Variants in ALG14 observed in about 807,000 individuals in gnomAD.
The protein encoded by ALG14 is UDP-N-acetylglucosamine transferase subunit ALG14.
In ALG14, 17 loss-of-function variants were observed where a neutral mutation model predicts 22.8. The observed-to-expected ratio is 0.75, with a 90% CI of 0.51 to 1.12. The LOEUF (loss-of-function observed/expected upper bound fraction) is 1.12, where lower values mean the gene tolerates loss of function less well. Among genes scored for constraint, ALG14 ranks in the 50% most tolerant of loss-of-function variants. The pLI is 0.00. For missense variants in ALG14, 288 were observed against 271.8 expected (o/e 1.06, Z -0.42); for synonymous variants, 89 against 103.7 (o/e 0.86, Z 0.86).
chr1:95,062,736 T>C (rs111786313), intron 2 of ALG14, among the ~76,000 whole-genome samples: 52,865 of 152,094 alleles, frequency 0.35, 10,507 homozygotes, highest in Middle Eastern at 0.45. Flanking sequence ...TCTTTGCTAT[T>C]GTGAATAGTG....
At position 95,001,341 on chromosome 1, in the gene ALG14, C is replaced by T. The variant is rs571481652; in HGVS notation, c.421-18035G>A. The stretch of plus-strand genomic sequence containing the variant: ...CAACATGTGACCATGCTCTACACCC[C>T]GACTGGTGTGCTGGATAGGGAAAAA... On this transcript the variant is annotated intron_variant, in intron 3 of 3. Transcript: ENST00000370205. 1.3e-4 allele frequency among the ~76,000 whole-genome samples: 20 copies of T among 152,252 alleles called. No homozygotes were observed. The South Asian group carries it at 3.7e-3, about 28-fold the overall frequency.
intron 3 of ALG14, among the ~76,000 whole-genome samples, chr1:94,991,634 A>G (rs1672776163): frequency 1.3e-5 from 2 of 152,206 alleles, no homozygotes; most frequent in Non-Finnish European, 2.9e-5. Flanking sequence ...GGCCCAGGAC[A>G]TTCCTGTACA....
chr1:94,984,815 A>G (rs926714391), intron 3 of ALG14, among the ~76,000 whole-genome samples: 1 of 152,142 alleles, frequency 6.6e-6, no homozygotes, highest in Non-Finnish European at 1.5e-5. Flanking sequence ...AACAATCACC[A>G]CCTCGGCCCT....
At chr1:94,998,376 C>G (rs985008522) in intron 3 of ALG14, among the ~76,000 whole-genome samples, 2 of 152,088 alleles carry the variant, frequency 1.3e-5, no homozygotes, top group Admixed American at 6.5e-5. Context: ...AGAGCTGGGT[C>G]TGAAAACAAA....
At chr1:95,060,869 T>C (rs187402405) in intron 2 of ALG14, among the ~76,000 whole-genome samples, 3 of 152,336 alleles carry the variant, frequency 2.0e-5, no homozygotes, top group Admixed American at 1.3e-4. Context: ...ACCTGGAATC[T>C]ATGAATGTGA....
At chr1:95,024,422 G>T (rs1200175657) in intron 3 of ALG14, among the ~76,000 whole-genome samples, 1 of 152,110 alleles carries the variant, frequency 6.6e-6, no homozygotes, top group Non-Finnish European at 1.5e-5. Flanking sequence ...CTGCATTAAA[G>T]ATATTTTTTA....
intron 3 of ALG14, among the ~76,000 whole-genome samples, chr1:94,989,607 C>G (rs1672723538): frequency 6.6e-6 from 1 of 152,186 alleles, no homozygotes; most frequent in Non-Finnish European, 1.5e-5. Context: ...GGTCCAGCAT[C>G]CAGTGCCAGT....
chr1:95,009,594 C>A (rs1673310827), intron 3 of ALG14, among the ~76,000 whole-genome samples: 1 of 152,072 alleles, frequency 6.6e-6, no homozygotes, highest in African/African-American at 2.4e-5. Context: ...TTTGATCATA[C>A]AATTGTATTC....
At chr1:94,984,226 T>A (rs1672578409) in intron 3 of ALG14, among the ~76,000 whole-genome samples, 1 of 152,222 alleles carries the variant, frequency 6.6e-6, no homozygotes, top group African/African-American at 2.4e-5. Context: ...AAGAGGTTTG[T>A]GATTGTCTAC....
rs544445226 is a variant in ALG14, at chr1:95,022,736, C to T, written c.420+4393G>A. On this transcript the variant is annotated intron_variant, in intron 3 of 3. Transcript: ENST00000370205. ...TCTCATCTGACTTGGCTTGGAAAAC[C>T]TTACTCTCACTTAATTCCATTGACA... Among the ~76,000 whole-genome samples, 3 of 152,296 alleles carry T rather than the reference C, an allele frequency of 2.0e-5. No homozygotes were observed. The East Asian group carries it at 5.8e-4, about 29-fold the overall frequency.
chr1:95,037,220 C>T (rs1325110158), intron 2 of ALG14, among the ~76,000 whole-genome samples: 1 of 152,100 alleles, frequency 6.6e-6, no homozygotes, highest in African/African-American at 2.4e-5. Context: ...TATTCTCAGC[C>T]GGACGGTTTG....
At position 94,978,885 on chromosome 1, in the gene ALG14, C is replaced by T. The variant is rs563522158; in HGVS notation, c.*4191G>A. 1.3e-5 allele frequency: 2 copies of T among 150,036 alleles called. No homozygotes were observed. Among genetic ancestry groups the T allele is most frequent in the South Asian group, 4.2e-4 (2 of 4,706 alleles). 9.3% of individuals were successfully genotyped at this position (150,036 alleles called of 1,614,324 possible). On this transcript the variant is annotated 3_prime_UTR_variant, in exon 4 of 4. Transcript: ENST00000370205. ...CACCTAACGTAGCTATTAAGGTAAG[C>T]CTGGCTGGAGCTAGAATGCCTTGGT... is the stretch of plus-strand genomic sequence containing the variant.
At chr1:95,049,152 A>G (rs930871708) in intron 2 of ALG14, among the ~76,000 whole-genome samples, 1 of 152,224 alleles carries the variant, frequency 6.6e-6, no homozygotes, top group Non-Finnish European at 1.5e-5. Context: ...AATATCTAGC[A>G]TAAATAGGTA....
Position 94,975,364 on chromosome 1 carries a change from T to C in ALG14, c.*7712A>G, listed in dbSNP as rs1023064990. On this transcript the variant is annotated 3_prime_UTR_variant, in exon 4 of 4. Transcript: ENST00000370205. ...TGTGATCGAGTAATATTCCACTATA[T>C]GGATATACCACATTTTGTTTATCTG... is the stretch of plus-strand genomic sequence containing the variant. The C allele has an allele frequency of 2.0e-5, 3 of 152,268 alleles. No individual in the cohort carries two copies. The highest frequency in any genetic ancestry group is 2.1e-4 in the South Asian group (1 of 4,836). The allele number at this position is 152,268 out of a possible 1,614,324, so 9.4% of individuals were successfully genotyped here. A position where few individuals can be genotyped will look rare whatever the true frequency, so the allele number is the denominator to read the frequency against.
chr1:94,993,919 T>C (rs942879664), intron 3 of ALG14, among the ~76,000 whole-genome samples: 3 of 152,192 alleles, frequency 2.0e-5, no homozygotes, highest in African/African-American at 7.2e-5. Flanking sequence ...GCACGTTCCA[T>C]GCATGTTCAT....
Position 94,983,537 on chromosome 1 carries a change from C to A in ALG14, c.421-231G>T, listed in dbSNP as rs969366164. 7.6e-6 allele frequency: 4 copies of A among 526,592 alleles called. No individual in the cohort carries two copies. The East Asian group carries it at 1.0e-4, about 13-fold the overall frequency. The allele number at this position is 526,592 out of a possible 1,614,324, so 32.6% of individuals were successfully genotyped here. ...TGCTTACCAACTGTGTGACTCAGGGCAAATCACTTAACTTCTAACTTCTAG... is the reference window on the plus strand; with the variant it reads ...TGCTTACCAACTGTGTGACTCAGGGAAAATCACTTAACTTCTAACTTCTAG... On this transcript the variant is annotated intron_variant, in intron 3 of 3. Coordinates refer to ENST00000370205, the MANE Select transcript of ALG14 (RefSeq NM_144988.4).
chr1:95,005,203 C>T (rs1481071807), intron 3 of ALG14, among the ~76,000 whole-genome samples: 2 of 152,154 alleles, frequency 1.3e-5, no homozygotes, highest in African/African-American at 2.4e-5. Context: ...AAAAGGCAAT[C>T]GTTACTCTAG....
chr1:95,069,129 C>G (rs368555778), intron 1 of ALG14, among the ~76,000 whole-genome samples: 12 of 152,156 alleles, frequency 7.9e-5, no homozygotes, highest in African/African-American at 2.9e-4. Context: ...TTCTCTACTT[C>G]GGTCTTTGTC....
At chr1:95,013,858 T>C (rs1673435055) in intron 3 of ALG14, among the ~76,000 whole-genome samples, 1 of 151,980 alleles carries the variant, frequency 6.6e-6, no homozygotes, top group Admixed American at 6.6e-5. Flanking sequence ...TGAGATAAAA[T>C]GCTTCAGCAT....
Sources: allele counts gnomAD v4.1 joint callset (sites outside exome capture counted in the v4.1 genomes callset), GRCh38; gene constraint gnomAD v4.1.1; transcripts MANE v1.5; gene names NCBI Gene and HGNC (gene_info 2026-07-23, HGNC 2026-07-21).